RNF181: variants seen among roughly 807,000 people sequenced by gnomAD.
RNF181 encodes ring finger protein 181.
In RNF181, 25 loss-of-function variants were observed where a neutral mutation model predicts 23.3. The observed-to-expected ratio is 1.07, with a 90% CI of 0.78 to 1.50. The LOEUF is 1.50. Ranked by LOEUF, RNF181 falls within the 40% of genes most tolerant of loss-of-function variation. The probability of loss-of-function intolerance (pLI) is 0.00; values close to 1 mark genes in which losing one functional copy is unlikely to be tolerated. For missense variants in RNF181, 167 were observed against 191.1 expected, an observed-to-expected ratio of 0.87 and a Z score of 0.74; for synonymous variants, 62 against 70.9, an observed-to-expected ratio of 0.87 and a Z score of 0.63.
Position 85,596,869 on chromosome 2 carries a change from G to A in RNF181, c.265G>A (p.Ala89Thr), listed in dbSNP as rs1446644969. 2 of 1,614,098 alleles carry A rather than the reference G, an allele frequency of 1.2e-6. No individual in the cohort carries two copies. The part of the protein sequence containing the change: ...CLLEFEEEET[A>T]IEMPCHHLFH... The stretch of plus-strand genomic sequence containing the variant: ...TTTGGAATTTGAGGAGGAGGAGACT[G>A]CCATTGAGATGCCTTGCCATCACCT... Residue 89 changes from alanine (A) to threonine (T), a missense_variant, in exon 3 of 5, where the codon GCC becomes ACC. Ala to Thr is a moderately conservative substitution (Grantham distance 58, BLOSUM62 0). Transcript: ENST00000306368.
At chr2:85,597,326 G>A (rs1221618309) in intron 4 of RNF181, 119 bp from the exon 5 acceptor site, 3 of 1,411,518 alleles carry the variant, frequency 2.1e-6, no homozygotes, top group East Asian at 2.3e-5. Context: ...TGTGGTGAGA[G>A]CCTCAGCAAT....
chr2:85,596,987 C>G lies in RNF181; in HGVS notation c.327+56C>G, dbSNP rs535559180. 3 of 1,614,070 alleles carry G rather than the reference C, an allele frequency of 1.9e-6. No homozygotes were observed. In the East Asian group the frequency reaches 6.7e-5, roughly 36 times the overall value. ...TGCCCTGGGCCCAGTACTCAAGCTT[C>G]TTTCTGTTCATGGACTGCTGGGGGA... is the stretch of plus-strand genomic sequence containing the variant. On this transcript the variant is annotated intron_variant, in intron 3 of 4. Transcript: ENST00000306368.
At chr2:85,596,740 G>A (rs748344976) in intron 2 of RNF181, 82 bp from the exon 3 acceptor site, 20 of 1,610,144 alleles carry the variant, frequency 1.2e-5, no homozygotes, top group Admixed American at 3.3e-5. Context: ...TCCAGGTCAG[G>A]TGGGGGCAAG....
In RNF181 at chr2:85,596,509, C is replaced by G. The variant is rs2232745; in HGVS notation, c.87-10C>G. 3,017 of 1,593,690 alleles carry G rather than the reference C, an allele frequency of 1.9e-3. 7 individuals are homozygous for G. The highest frequency in any genetic ancestry group is 2.2e-3 in the Non-Finnish European group (2,620 of 1,170,858). On this transcript the variant is annotated splice_polypyrimidine_tract_variant and intron_variant, in intron 1 of 4. Transcript: ENST00000306368. ...TTTCCTTTGTTCTGACTTTACATCC[C>G]CTTCCCCAGGTCACTTTTCAATAGG...
In RNF181 at chr2:85,597,262, A is replaced by G. The variant is rs1030384123; in HGVS notation, c.402+84A>G. ...TGCCATCACTTCCCACCTCAGCAGG[A>G]CTGGGTAGGCCTCAGAATCCCTGGC... On this transcript the variant is annotated intron_variant, in intron 4 of 4. Coordinates refer to ENST00000306368, the MANE Select transcript of RNF181 (RefSeq NM_016494.4). 2.8e-6 allele frequency: 4 copies of G among 1,407,644 alleles called. No individual in the cohort carries two copies. In the African/African-American group the frequency reaches 4.3e-5, roughly 15 times the overall value. 87.2% of individuals were successfully genotyped at this position (1,407,644 alleles called of 1,614,324 possible). A position where few individuals can be genotyped will look rare whatever the true frequency, so the allele number is the denominator to read the frequency against.
Position 85,596,818 on chromosome 2 carries a change from A to G in RNF181, c.218-4A>G. On this transcript the variant is annotated splice_polypyrimidine_tract_variant and splice_region_variant and intron_variant, in intron 2 of 4. Transcript: ENST00000306368. ...GCTCTCCTGATCAGCACTCCTTCCT[A>G]AAGAGCTCAAGTGCCCCGTGTGTCT... is the stretch of plus-strand genomic sequence containing the variant. 1.2e-6 allele frequency: 2 copies of G among 1,613,690 alleles called. No individual in the cohort carries two copies. Among genetic ancestry groups the G allele is most frequent in the Non-Finnish European group, 1.7e-6 (2 of 1,179,824 alleles).
At chr2:85,596,074 G>A (rs1389429497) in intron 1 of RNF181, among the ~76,000 whole-genome samples, 2 of 152,070 alleles carry the variant, frequency 1.3e-5, no homozygotes, top group Non-Finnish European at 2.9e-5. Flanking sequence ...AAAGATTGGA[G>A]CTGGAGAGTG....
At position 85,597,603 on chromosome 2, in the gene RNF181, G is replaced by T; in HGVS notation, c.*99G>T. The T allele has an allele frequency of 4.5e-6, 7 of 1,544,148 alleles. No individual in the cohort carries two copies. The highest frequency in any genetic ancestry group is 6.1e-6 in the Non-Finnish European group (7 of 1,148,116). Reference sequence around the variant, plus strand: ...CCACCCTGAGGCTGTATTGATCACAGACCTGGCCAGGGGCTCTGCATCCTC... The same window carrying T: ...CCACCCTGAGGCTGTATTGATCACATACCTGGCCAGGGGCTCTGCATCCTC... On this transcript the variant is annotated 3_prime_UTR_variant, in exon 5 of 5. Transcript: ENST00000306368.
chr2:85,597,102 A>G lies in RNF181; in HGVS notation c.328-2A>G. 6.2e-7 allele frequency: 1 copy of G among 1,614,042 alleles called. No individual in the cohort carries two copies. The highest frequency in any genetic ancestry group is 1.3e-5 in the African/African-American group (1 of 75,032). ...GCTAGAACACTACTCTACTTTTCTC[A>G]GACAAATTCCTGTCCCTTGTGCCGC... On this transcript the variant is annotated splice_acceptor_variant, in intron 3 of 4. Transcript: ENST00000306368. LOFTEE classifies it high-confidence loss of function.
chr2:85,597,349 G>T, intron 4 of RNF181, 96 bp from the exon 5 acceptor site: 5 of 1,476,616 alleles, frequency 3.4e-6, no homozygotes, highest in Non-Finnish European at 4.6e-6. Context: ...AGACGCCAGA[G>T]GCCTGAAAAC....
At position 85,597,118 on chromosome 2, in the gene RNF181, CT is replaced by C; in HGVS notation, c.344del (p.Leu115CysfsTer60). ...PWLSKTNSCPLCRYELPTDDD... is the reference protein window; with the variant it reads ...PWLSKTNSCPXCRYELPTDDD... ...ACTTTTCTCAGACAAATTCCTGTCC[CT>C]TGTGCCGCTATGAGCTGCCCACTGA... is the stretch of plus-strand genomic sequence containing the variant. On this transcript the variant is annotated frameshift_variant, in exon 4 of 5. Transcript: ENST00000306368. LOFTEE classifies it high-confidence loss of function. 6.2e-7 allele frequency: 1 copy of C among 1,614,158 alleles called. No homozygotes were observed. The highest frequency in any genetic ancestry group is 8.5e-7 in the Non-Finnish European group (1 of 1,180,024).
chr2:85,597,254 T>C (rs1672695768), intron 4 of RNF181, 76 bp downstream of exon 4: 1 of 1,423,928 alleles, frequency 7.0e-7, no homozygotes, highest in Non-Finnish European at 9.7e-7. Context: ...ACTTCCCACC[T>C]CAGCAGGACT....
At chr2:85,597,411 T>G in intron 4 of RNF181, 34 bp from the exon 5 acceptor site, 2 of 1,587,696 alleles carry the variant, frequency 1.3e-6, no homozygotes, top group East Asian at 4.5e-5. Context: ...GCCTTCAGTT[T>G]TGGCCCCTGC....
chr2:85,596,955 C>T (rs41290037), intron 3 of RNF181, 24 bp downstream of exon 3: 84,310 of 1,614,086 alleles, frequency 0.052, 2,557 homozygotes, highest in Middle Eastern at 0.081. Flanking sequence ...TCTTCTAGCT[C>T]TCACCGTGCC....
intron 1 of RNF181, 120 bp downstream of exon 1, chr2:85,595,969 T>G: frequency 1.2e-6 from 1 of 852,280 alleles, no homozygotes; most frequent in Non-Finnish European, 1.9e-6. Context: ...TAATCTGGAG[T>G]GTTAGTACGG....
At chr2:85,596,432 C>T (rs1420738005) in intron 1 of RNF181, 87 bp from the exon 2 acceptor site, 13 of 1,363,798 alleles carry the variant, frequency 9.5e-6, no homozygotes, top group Middle Eastern at 2.7e-4. Flanking sequence ...ACTAGCTGGG[C>T]AGCGTGTTTA....
chr2:85,597,463 C>G lies in RNF181; in HGVS notation c.421C>G (p.Gln141Glu), dbSNP rs777160382. ...RRDKARKQQQ[Q>E]HRLENLHGAM... ...CCTTCAGGCTCGAAAACAGCAGCAGCAACACCGACTGGAGAACCTCCATGG... is the reference window on the plus strand; with the variant it reads ...CCTTCAGGCTCGAAAACAGCAGCAGGAACACCGACTGGAGAACCTCCATGG... The change falls in exon 5 of 5, where the codon CAA becomes GAA. Residue 141 changes from glutamine to glutamate, a missense_variant. By Grantham distance (29) the Gln-to-Glu change is conservative. Coordinates refer to ENST00000306368, the MANE Select transcript of RNF181 (RefSeq NM_016494.4). 11 of 1,611,958 alleles carry G rather than the reference C, an allele frequency of 6.8e-6. No individual in the cohort carries two copies. The highest frequency in any genetic ancestry group is 9.3e-6 in the Non-Finnish European group (11 of 1,179,202).
intron 4 of RNF181, 34 bp downstream of exon 4, chr2:85,597,212 T>C: frequency 1.9e-6 from 3 of 1,569,894 alleles, no homozygotes; most frequent in Non-Finnish European, 2.6e-6. Context: ...GGGGTCGTAA[T>C]GGGCTCCCTG....
Position 85,595,795 on chromosome 2 carries a change from A to T in RNF181, c.32A>T (p.Glu11Val). MASYFDEHDC[E>V]PSDPEQETRT... ...TCCTATTTCGATGAACACGACTGCGAGCCGTCGGACCCTGAGCAGGAGACG... is the reference window on the plus strand; with the variant it reads ...TCCTATTTCGATGAACACGACTGCGTGCCGTCGGACCCTGAGCAGGAGACG... The change falls in exon 1 of 5, where the codon GAG becomes GTG. Residue 11 changes from glutamate to valine, a missense_variant. Transcript: ENST00000306368. 1 of 1,614,050 alleles carries T rather than the reference A, an allele frequency of 6.2e-7. No homozygotes were observed. The highest frequency in any genetic ancestry group is 8.5e-7 in the Non-Finnish European group (1 of 1,180,018).
Sources: allele counts gnomAD v4.1 joint callset (sites outside exome capture counted in the v4.1 genomes callset), GRCh38; gene constraint gnomAD v4.1.1; transcripts MANE v1.5; gene names NCBI Gene and HGNC (gene_info 2026-07-23, HGNC 2026-07-21).